CSMD1: variants seen among roughly 807,000 people sequenced by gnomAD.
CSMD1 encodes CUB and Sushi multiple domains 1, also known as CUB and sushi domain-containing protein 1.
In CSMD1, 213 loss-of-function variants were observed where a neutral mutation model predicts 417.5. That is an observed-to-expected ratio of 0.51 (90% CI 0.46 to 0.57). The LOEUF is 0.57. Ranked by LOEUF, CSMD1 falls within the 20% of genes least tolerant of loss-of-function variation. CSMD1 has a pLI of 0.00. For synonymous variants in CSMD1, 2,862 were observed against 1,736.8 expected, an observed-to-expected ratio of 1.65 and a Z score of -16.11; for missense variants, 6,923 against 4,529.7, an observed-to-expected ratio of 1.53 and a Z score of -15.17.
chr8:3,452,962 T>G (rs570072799), intron 12 of CSMD1, among the ~76,000 whole-genome samples: 59 of 152,332 alleles, frequency 3.9e-4, no homozygotes, highest in African/African-American at 1.3e-3. Context: ...TTTTTTTGGT[T>G]GGTAAGCTAT....
At chr8:4,357,972 G>T (rs1012685782) in intron 3 of CSMD1, among the ~76,000 whole-genome samples, 1 of 152,060 alleles carries the variant, frequency 6.6e-6, no homozygotes, top group East Asian at 1.9e-4. Context: ...ATGAGACTCA[G>T]TTTAAGATGT....
intron 10 of CSMD1, among the ~76,000 whole-genome samples, chr8:3,546,944 T>C (rs1798692485): frequency 6.6e-6 from 1 of 152,228 alleles, no homozygotes; most frequent in Admixed American, 6.5e-5. Flanking sequence ...ATCAGAGGTC[T>C]TGAGCTGTTT....
chr8:4,911,708 G>A (rs1219116043), intron 1 of CSMD1, among the ~76,000 whole-genome samples: 1 of 152,076 alleles, frequency 6.6e-6, no homozygotes, highest in East Asian at 1.9e-4. Flanking sequence ...TAACCACCCA[G>A]AAACTGAATC....
intron 55 of CSMD1, among the ~76,000 whole-genome samples, chr8:2,975,959 A>G (rs888628059): frequency 2.0e-5 from 3 of 152,212 alleles, no homozygotes; most frequent in Non-Finnish European, 2.9e-5. Flanking sequence ...GGAGACATAA[A>G]AGAAATGTTC....
intron 1 of CSMD1, among the ~76,000 whole-genome samples, chr8:4,895,250 A>T (rs1193929535): frequency 6.6e-6 from 1 of 152,184 alleles, no homozygotes; most frequent in East Asian, 1.9e-4. Context: ...TTCAGAGATG[A>T]ACAATTTCTG....
chr8:3,553,067 A>G (rs1798986778), intron 10 of CSMD1, among the ~76,000 whole-genome samples: 1 of 152,108 alleles, frequency 6.6e-6, no homozygotes, highest in African/African-American at 2.4e-5. Context: ...CAAGCAATAA[A>G]ATATTATTCT....
rs1585371598 is a variant in CSMD1 at position 4,637,496 on chromosome 8, G to A, written c.148C>T (p.His50Tyr). The change falls in exon 2 of 70, where the codon CAC becomes TAC. Residue 50 changes from histidine to tyrosine, a missense_variant. Transcript: ENST00000635120. ...CAGTTGGCATAGTTCGGATACCCGT[G>A]AGGAAACCCTGGGCTCTCAATAGTG... ...NGTIESPGFPHGYPNYANCTW... is the reference protein window; with the variant it reads ...NGTIESPGFPYGYPNYANCTW... The A allele has an allele frequency of 3.1e-6, 5 of 1,613,874 alleles. No homozygotes were observed. The highest frequency in any genetic ancestry group is 1.7e-5 in the Admixed American group (1 of 60,010).
At chr8:3,750,300 T>A (rs1163155819) in intron 6 of CSMD1, among the ~76,000 whole-genome samples, 2 of 150,702 alleles carry the variant, frequency 1.3e-5, no homozygotes, top group Non-Finnish European at 3.0e-5. Flanking sequence ...CTTTTTAAAA[T>A]GTTCTTCTCC....
intron 1 of CSMD1, among the ~76,000 whole-genome samples, chr8:4,682,290 C>T (rs1806102491): frequency 6.6e-6 from 1 of 152,070 alleles, no homozygotes; most frequent in Admixed American, 6.6e-5. Context: ...CTTAGCCTCC[C>T]AAAGTTCTAG....
rs531161470 is a variant in CSMD1 at position 4,707,858 on chromosome 8, G to C, written c.86-70300C>G. On this transcript the variant is annotated intron_variant, in intron 1 of 69. Transcript: ENST00000635120. ...ACCAAGATCGCACCATTGCACTCCA[G>C]CCTGGGGACAAGAGCAAGACTTTGT... Among the ~76,000 whole-genome samples, 338 of 130,192 alleles carry C rather than the reference G, an allele frequency of 2.6e-3. 2 individuals are homozygous for C. Among genetic ancestry groups the C allele is most frequent in the South Asian group, 4.6e-3 (19 of 4,102 alleles). The allele number at this position is 130,192 out of a possible 152,430, so 85.4% of individuals were successfully genotyped here. A position where few individuals can be genotyped will look rare whatever the true frequency, so the allele number is the denominator to read the frequency against.
intron 17 of CSMD1, among the ~76,000 whole-genome samples, chr8:3,392,327 C>A (rs1461896544): frequency 2.6e-5 from 4 of 152,092 alleles, no homozygotes; most frequent in African/African-American, 7.2e-5. Flanking sequence ...GGGTCACAGG[C>A]AACCCACTTT....
chr8:4,156,583 G>A (rs756447218), intron 3 of CSMD1, among the ~76,000 whole-genome samples: 7 of 152,076 alleles, frequency 4.6e-5, no homozygotes, highest in Non-Finnish European at 1.0e-4. Flanking sequence ...ATACCCAAAA[G>A]CATTCAGTTA....
chr8:4,346,585 C>T (rs981798081), intron 3 of CSMD1, among the ~76,000 whole-genome samples: 4 of 152,072 alleles, frequency 2.6e-5, no homozygotes, highest in Non-Finnish European at 4.4e-5. Flanking sequence ...TTGTTCTTGA[C>T]TGATTTCATT....
At chr8:4,720,492 A>G (rs1406624524) in intron 1 of CSMD1, among the ~76,000 whole-genome samples, 1 of 152,120 alleles carries the variant, frequency 6.6e-6, no homozygotes, top group Non-Finnish European at 1.5e-5. Flanking sequence ...ATCTCGGCGC[A>G]CTATAACCTC....
chr8:4,771,539 G>C (rs1042493050), intron 1 of CSMD1, among the ~76,000 whole-genome samples: 15 of 152,170 alleles, frequency 9.9e-5, no homozygotes, highest in African/African-American at 3.6e-4. Flanking sequence ...TTTGCTGCTA[G>C]GCATTTTCCA....
intron 3 of CSMD1, among the ~76,000 whole-genome samples, chr8:4,174,452 A>G (rs962479621): frequency 1.3e-5 from 2 of 151,830 alleles, no homozygotes; most frequent in African/African-American, 2.4e-5. Context: ...TGGTTTTTCT[A>G]TTGTTTAAAT....
chr8:3,807,058 T>C (rs181855655), intron 5 of CSMD1, among the ~76,000 whole-genome samples: 37 of 152,268 alleles, frequency 2.4e-4, no homozygotes, highest in Admixed American at 2.2e-3. Context: ...GTCTGGTAGC[T>C]TAATTATTAC....
intron 26 of CSMD1, among the ~76,000 whole-genome samples, chr8:3,233,571 A>C (rs1290985669): frequency 6.6e-6 from 1 of 152,256 alleles, no homozygotes; most frequent in Non-Finnish European, 1.5e-5. Context: ...AGTTATGTTT[A>C]GTAAGGACAT....
intron 2 of CSMD1, among the ~76,000 whole-genome samples, chr8:4,622,441 T>C (rs1343058860): frequency 2.0e-5 from 3 of 152,148 alleles, no homozygotes; most frequent in East Asian, 3.9e-4. Flanking sequence ...ATGGAGATGA[T>C]TGTCACTGGA....
Sources: allele counts gnomAD v4.1 joint callset (sites outside exome capture counted in the v4.1 genomes callset), GRCh38; gene constraint gnomAD v4.1.1; transcripts MANE v1.5; gene names NCBI Gene and HGNC (gene_info 2026-07-23, HGNC 2026-07-21).